The following SYNPO variants were observed in gnomAD, a reference collection of about 807,000 sequenced individuals.
SYNPO encodes synaptopodin.
A neutral mutation model predicts 49.5 loss-of-function variants in SYNPO; 19 were observed. That is an observed-to-expected ratio of 0.38 (90% CI 0.27 to 0.56). The LOEUF is 0.56. SYNPO is among the 20% of genes least tolerant of loss of function. The pLI, the probability that SYNPO is intolerant of heterozygous loss-of-function variation, is 0.68. For missense variants in SYNPO, 1,131 were observed against 1,248.3 expected, an observed-to-expected ratio of 0.91 and a Z score of 1.42; for synonymous variants, 536 against 548.0, an observed-to-expected ratio of 0.98 and a Z score of 0.31.
chr5:150,645,965 T>C (rs1413308999), intron 1 of SYNPO, among the ~76,000 whole-genome samples: 4 of 152,268 alleles, frequency 2.6e-5, no homozygotes, highest in African/African-American at 7.2e-5. Context: ...TGGGAGGAGA[T>C]AGAAGAAACT....
At chr5:150,595,528 CAG>C in the SYNPO span, among the ~76,000 whole-genome samples, 3 of 152,116 alleles carry the variant, frequency 2.0e-5, no homozygotes, top group Non-Finnish European at 4.4e-5. Context: ...AGTCAGGGGA[CAG>C]GGGAGAGAGA....
At chr5:150,610,931 A>G (rs1756828116) in intron 1 of SYNPO, among the ~76,000 whole-genome samples, 1 of 152,240 alleles carries the variant, frequency 6.6e-6, no homozygotes, top group Admixed American at 6.5e-5. Flanking sequence ...ATATTAGCCT[A>G]AGAAATATGT....
intron 2 of SYNPO, among the ~76,000 whole-genome samples, chr5:150,619,279 G>A (rs1757077559): frequency 6.6e-6 from 1 of 152,124 alleles, no homozygotes; most frequent in South Asian, 2.1e-4. Flanking sequence ...AATTTTACAG[G>A]TGGGGAAACT....
At chr5:150,637,903 G>A (rs1430190331), upstream of SYNPO, among the ~76,000 whole-genome samples, 1 of 152,076 alleles carries the variant, frequency 6.6e-6, no homozygotes, top group Non-Finnish European at 1.5e-5. Flanking sequence ...AAGGAGTTGG[G>A]GGCAGTTATG....
Position 150,649,601 on chromosome 5 carries a change from CGCG to C in SYNPO, c.1334_1336del (p.Ala445del). ...CAGCACCTCGTGACAGGGCCAGCCC[CGCG>C]GCGGCGGAGGAGGTGGTACCAGAGT... On this transcript the variant is annotated inframe_deletion, in exon 2 of 3. Transcript: ENST00000307662. 1 of 1,609,504 alleles carries C rather than the reference CGCG, an allele frequency of 6.2e-7. No individual in the cohort carries two copies. Among genetic ancestry groups the C allele is most frequent in the Non-Finnish European group, 8.5e-7 (1 of 1,179,010 alleles).
At chr5:150,628,022 GTGTGTGTGTGTTTC>G (rs1310674360) in intron 2 of SYNPO, among the ~76,000 whole-genome samples, 1,573 of 143,486 alleles carry the variant, frequency 0.011, 25 homozygotes, top group African/African-American at 0.04. Flanking sequence ...GTGTGTTTCT[GTGTGTGTGTGTTTC>G]TGTGTGTGTG....
chr5:150,650,016 G>T lies in SYNPO; in HGVS notation c.1741G>T (p.Ala581Ser). 6.2e-7 allele frequency: 1 copy of T among 1,612,388 alleles called. No individual in the cohort carries two copies. The highest frequency in any genetic ancestry group is 8.5e-7 in the Non-Finnish European group (1 of 1,179,974). Residue 581 changes from alanine to serine, a missense_variant, in exon 2 of 3, where the codon GCC (alanine) becomes TCC (serine). Physicochemically the swap from Ala to Ser is moderately conservative, Grantham distance 99 (BLOSUM62 1). This residue lies in a region of SYNPO where 509 missense variants were observed against 484.5 expected (regional missense o/e 1.05). Transcript: ENST00000307662. ...LFVLSPIKEP[A>S]KVSPRAASPA... ...TGTCCTCTCACCTATCAAGGAGCCT[G>T]CCAAGGTCTCACCAAGAGCTGCCTC...
Position 150,656,989 on chromosome 5 carries a change from C to G in SYNPO, c.2614C>G (p.Pro872Ala). 4 of 1,600,876 alleles carry G rather than the reference C, an allele frequency of 2.5e-6. No homozygotes were observed. In the South Asian group the frequency reaches 4.5e-5, roughly 18 times the overall value. The change falls in exon 3 of 3, where the codon CCA becomes GCA. Residue 872 changes from proline to alanine, a missense_variant. This residue lies in a region of SYNPO where 509 missense variants were observed against 484.5 expected (regional missense o/e 1.05). Coordinates refer to ENST00000307662, the MANE Select transcript of SYNPO (RefSeq NM_007286.6). ...LDSEDSGAKS[P>A]GILGYNICPR... ...CTCCGAGGACTCCGGGGCTAAGTCT[C>G]CAGGCATCCTGGGCTACAATATCTG... is the stretch of plus-strand genomic sequence containing the variant.
chr5:150,597,586 G>A (rs956845128), upstream of SYNPO, among the ~76,000 whole-genome samples: 1 of 151,912 alleles, frequency 6.6e-6, no homozygotes, highest in South Asian at 2.1e-4. Flanking sequence ...CACCCACCTC[G>A]GCCTCCCAAA....
chr5:150,601,769 G>A (rs564711306), intron 1 of SYNPO, among the ~76,000 whole-genome samples: 2 of 152,120 alleles, frequency 1.3e-5, no homozygotes, highest in Non-Finnish European at 2.9e-5. Flanking sequence ...GTAGGGGGTG[G>A]TCCTCACTGT....
At position 150,648,938 on chromosome 5, in the gene SYNPO, C is replaced by G; in HGVS notation, c.663C>G (p.Val221=). The G allele has an allele frequency of 6.2e-7, 1 of 1,614,242 alleles. No individual in the cohort carries two copies. The highest frequency in any genetic ancestry group is 8.5e-7 in the Non-Finnish European group (1 of 1,180,050). ...GRAAATTPTK[V]YSEVHFTLAK... ...CAGCTGCCACCACGCCCACCAAGGT[C>G]TACAGTGAGGTCCACTTCACACTGG... is the stretch of plus-strand genomic sequence containing the variant. The change falls in exon 2 of 3, where the codon GTC becomes GTG. Residue 221 remains valine, a synonymous_variant. Coordinates refer to ENST00000307662, the MANE Select transcript of SYNPO (RefSeq NM_007286.6). The surrounding 1 kb of genome is among the most constrained non-coding windows in gnomAD (Gnocchi z 5.0).
At chr5:150,599,298 T>C (rs1392330040), upstream of SYNPO, among the ~76,000 whole-genome samples, 1 of 152,224 alleles carries the variant, frequency 6.6e-6, no homozygotes, top group Non-Finnish European at 1.5e-5. Context: ...GCTAGTGGCA[T>C]GGTGAGGCCA....
intron 1 of SYNPO, among the ~76,000 whole-genome samples, chr5:150,608,943 G>T (rs1160334341): frequency 2.0e-5 from 3 of 152,212 alleles, no homozygotes; most frequent in Non-Finnish European, 4.4e-5. Flanking sequence ...TGAAAGATTG[G>T]AGGCTCACAG....
chr5:150,594,861 G>T, the SYNPO span, among the ~76,000 whole-genome samples: 3 of 152,138 alleles, frequency 2.0e-5, no homozygotes, highest in Non-Finnish European at 4.4e-5. Context: ...TTGCCGTTCT[G>T]TCCAGACCTC....
At chr5:150,597,260 C>A (rs1248708607), upstream of SYNPO, among the ~76,000 whole-genome samples, 1 of 152,204 alleles carries the variant, frequency 6.6e-6, no homozygotes, top group African/African-American at 2.4e-5. Flanking sequence ...CTCAGTGAGC[C>A]CAGGAGTTCT....
At chr5:150,622,041 T>G (rs1050952133) in intron 2 of SYNPO, among the ~76,000 whole-genome samples, 6 of 152,180 alleles carry the variant, frequency 3.9e-5, no homozygotes, top group African/African-American at 1.2e-4. Flanking sequence ...AAGTGACTTG[T>G]CCAAACTCAC....
At chr5:150,641,919 G>T (rs774660801) in intron 1 of SYNPO, among the ~76,000 whole-genome samples, 6 of 152,204 alleles carry the variant, frequency 3.9e-5, no homozygotes, top group Non-Finnish European at 8.8e-5. Context: ...AGCCTCTCTT[G>T]TTTCTCCTCT....
chr5:150,648,789 A>G lies in SYNPO; in HGVS notation c.514A>G (p.Arg172Gly), dbSNP rs1223054995. The G allele has an allele frequency of 6.2e-7, 1 of 1,614,220 alleles. No individual in the cohort carries two copies. The highest frequency in any genetic ancestry group is 1.7e-5 in the Admixed American group (1 of 60,024). Residue 172 changes from arginine (R) to glycine (G), a missense_variant, in exon 2 of 3, where the codon AGA (arginine) becomes GGA (glycine). This residue lies in a region of SYNPO where 602 missense variants were observed against 720.7 expected (regional missense o/e 0.84). Coordinates refer to ENST00000307662, the MANE Select transcript of SYNPO (RefSeq NM_007286.6). This position sits in a 1 kb window ranked among gnomAD's most constrained non-coding sequence, Gnocchi z 5.0. ...AGCTACCACCACCAGCACCTTCTCCAGAGAAGCTACGCTCATCCCCAGCTC... is the reference window on the plus strand; with the variant it reads ...AGCTACCACCACCAGCACCTTCTCCGGAGAAGCTACGCTCATCCCCAGCTC... Reference protein sequence around the residue: ...TPATTTSTFSREATLIPSSRP... With the variant: ...TPATTTSTFSGEATLIPSSRP...
intron 2 of SYNPO, chr5:150,624,930 GCA>G (rs1757302646): frequency 7.1e-6 from 7 of 985,430 alleles, no homozygotes; most frequent in Non-Finnish European, 8.4e-6. Context: ...CGCTGGCCTG[GCA>G]GGGGTGCGGG....
Sources: gnomAD v4.1 joint callset for allele counts (sites outside exome capture counted in the v4.1 genomes callset) on GRCh38, gnomAD v4.1.1 for gene constraint, gnomAD v4.1.1 regional missense constraint, Gnocchi (gnomAD v3.1) non-coding constraint, MANE v1.5 for transcripts, NCBI Gene and HGNC (gene_info 2026-07-23, HGNC 2026-07-21) for gene names.